LRFN5: variants seen among roughly 807,000 people sequenced by gnomAD.
LRFN5 encodes leucine-rich repeat and fibronectin type-III domain-containing protein 5.
Under a neutral mutation model 45.6 loss-of-function variants are expected in LRFN5, and 24 were observed. The observed-to-expected ratio is 0.53, with a 90% CI of 0.38 to 0.74. LRFN5 has a LOEUF of 0.74. Among genes scored for constraint, LRFN5 ranks in the 30% least tolerant of loss-of-function variants. LRFN5 has a pLI of 0.00. For missense variants in LRFN5, 776 were observed against 861.5 expected (o/e 0.90, Z 1.24); for synonymous variants, 340 against 313.8 (o/e 1.08, Z -0.88).
intron 2 of LRFN5, among the ~76,000 whole-genome samples, chr14:41,861,347 T>C (rs902286755): frequency 3.9e-5 from 6 of 152,216 alleles, no homozygotes; most frequent in African/African-American, 1.2e-4. Flanking sequence ...ATTCTATTAC[T>C]ATAAAGAAGA....
chr14:41,655,097 G>T (rs923735041), intron 1 of LRFN5, among the ~76,000 whole-genome samples: 1 of 151,990 alleles, frequency 6.6e-6, no homozygotes, highest in Non-Finnish European at 1.5e-5. Flanking sequence ...TTTATGTTGA[G>T]CATCTGGTTT....
chr14:41,673,148 T>C (rs1018623586), intron 1 of LRFN5, among the ~76,000 whole-genome samples: 5 of 152,146 alleles, frequency 3.3e-5, no homozygotes, highest in Non-Finnish European at 7.3e-5. Flanking sequence ...ATCCGATTTC[T>C]CAATCTTTTC....
chr14:41,826,377 T>C (rs1234491563), intron 2 of LRFN5, among the ~76,000 whole-genome samples: 1 of 152,218 alleles, frequency 6.6e-6, no homozygotes, highest in Non-Finnish European at 1.5e-5. Flanking sequence ...TATGCCTTTC[T>C]TATATTTCAT....
chr14:41,797,924 T>C (rs1228764908), intron 2 of LRFN5, among the ~76,000 whole-genome samples: 1 of 152,008 alleles, frequency 6.6e-6, no homozygotes, highest in Non-Finnish European at 1.5e-5. Context: ...TTTGTTGGTT[T>C]TATTTTTTAA....
chr14:41,609,124 G>GAAT (rs1443549706), intron 1 of LRFN5, among the ~76,000 whole-genome samples: 1 of 152,166 alleles, frequency 6.6e-6, no homozygotes, highest in Non-Finnish European at 1.5e-5. Flanking sequence ...GCATGAAAGG[G>GAAT]AATACATATT....
At chr14:41,795,865 T>A (rs1887108199) in intron 2 of LRFN5, among the ~76,000 whole-genome samples, 1 of 151,948 alleles carries the variant, frequency 6.6e-6, no homozygotes, top group Non-Finnish European at 1.5e-5. Context: ...ACATGGCACA[T>A]GTATATATAT....
chr14:41,894,747 T>C (rs1305485454), intron 4 of LRFN5: 1 of 983,918 alleles, frequency 1.0e-6, no homozygotes, highest in Admixed American at 6.2e-5. Flanking sequence ...TAGGTAAATA[T>C]GGCCATGGAG....
chr14:41,887,140 G>A lies in LRFN5; in HGVS notation c.515G>A (p.Ser172Asn), dbSNP rs145569146. 64 of 1,614,044 alleles carry A rather than the reference G, an allele frequency of 4.0e-5. No individual in the cohort carries two copies. The Admixed American group carries it at 7.3e-4, about 18-fold the overall frequency. ...TGGGATGCTGTTGAGAAGATGGTTA[G>A]CTTGCATACCCTTAGTTTGGATCAC... ...IPWDAVEKMV[S>N]LHTLSLDHNM... is the part of the protein sequence containing the mutation. Residue 172 changes from serine to asparagine, a missense_variant, in exon 3 of 6, where the codon AGC (serine) becomes AAC (asparagine). Around this residue, in one of 2 missense-constraint regions of LRFN5, gnomAD observed 311 missense variants for 405.1 expected, o/e 0.77. Transcript: ENST00000298119. This position sits in a 1 kb window ranked among gnomAD's most constrained non-coding sequence, Gnocchi z 4.8.
At chr14:41,817,927 TAGCA>T (rs144941334) in intron 2 of LRFN5, among the ~76,000 whole-genome samples, 1,711 of 152,278 alleles carry the variant, frequency 0.011, 32 homozygotes, top group African/African-American at 0.038. Flanking sequence ...GTTTCTGCTC[TAGCA>T]AGCTGTGATT....
Position 41,887,926 on chromosome 14 carries a change from A to T in LRFN5, c.1301A>T (p.Lys434Ile), listed in dbSNP as rs1462323114. Residue 434 changes from lysine to isoleucine, a missense_variant, in exon 3 of 6, where the codon AAA (lysine) becomes ATA (isoleucine). Lys to Ile is a moderately radical substitution (Grantham distance 102). Coordinates refer to ENST00000298119, the MANE Select transcript of LRFN5 (RefSeq NM_152447.5). This position sits in a 1 kb window ranked among gnomAD's most constrained non-coding sequence, Gnocchi z 4.8. ...AEATSSTALLKFNFQRNIPGI... is the reference protein window; with the variant it reads ...AEATSSTALLIFNFQRNIPGI... ...GCTACATCATCAACGGCACTACTTA[A>T]ATTTAATTTTCAAAGAAATATCCCT... 7 of 1,613,898 alleles carry T rather than the reference A, an allele frequency of 4.3e-6. No individual in the cohort carries two copies. In the East Asian group the frequency reaches 1.6e-4, roughly 36 times the overall value.
chr14:41,794,486 G>A (rs1247884451), intron 2 of LRFN5, among the ~76,000 whole-genome samples: 1 of 151,520 alleles, frequency 6.6e-6, no homozygotes, highest in Non-Finnish European at 1.5e-5. Flanking sequence ...GTTTTATCTT[G>A]GCAATTACTA....
At chr14:41,782,193 C>T (rs1886552952) in intron 2 of LRFN5, among the ~76,000 whole-genome samples, 1 of 151,456 alleles carries the variant, frequency 6.6e-6, no homozygotes, top group African/African-American at 2.4e-5. Context: ...TTTTAAAGAC[C>T]TTGGATATTC....
intron 1 of LRFN5, among the ~76,000 whole-genome samples, chr14:41,621,521 C>A (rs1888136051): frequency 6.6e-6 from 1 of 152,036 alleles, no homozygotes; most frequent in Non-Finnish European, 1.5e-5. Flanking sequence ...TACAGGTGAA[C>A]AATGTGTAAA....
At chr14:41,895,984 T>C (rs1163603174) in intron 4 of LRFN5, among the ~76,000 whole-genome samples, 3 of 152,124 alleles carry the variant, frequency 2.0e-5, no homozygotes, top group Admixed American at 6.5e-5. Context: ...TATTTTCTCT[T>C]CAATTTAAAC....
chr14:41,708,743 G>C (rs992428443), intron 1 of LRFN5, among the ~76,000 whole-genome samples: 1 of 147,394 alleles, frequency 6.8e-6, no homozygotes, highest in South Asian at 2.1e-4. Flanking sequence ...TTTTGTTATT[G>C]ATTGTATTTC....
At chr14:41,655,503 C>G (rs576717301) in intron 1 of LRFN5, among the ~76,000 whole-genome samples, 7 of 152,084 alleles carry the variant, frequency 4.6e-5, no homozygotes, top group African/African-American at 1.4e-4. Flanking sequence ...ATGAAGAGAT[C>G]ATGGAGGGCC....
intron 1 of LRFN5, among the ~76,000 whole-genome samples, chr14:41,681,938 C>T (rs909616909): frequency 4.0e-5 from 6 of 151,756 alleles, no homozygotes; most frequent in African/African-American, 1.5e-4. Flanking sequence ...CCTGCCTCAG[C>T]CTCCTGAGTA....
At chr14:41,662,969 A>G (rs937313161) in intron 1 of LRFN5, among the ~76,000 whole-genome samples, 2 of 152,074 alleles carry the variant, frequency 1.3e-5, no homozygotes, top group Non-Finnish European at 2.9e-5. Context: ...ATGAAATTGT[A>G]CCTTGATAAG....
chr14:41,860,572 A>T (rs939601855), intron 2 of LRFN5, among the ~76,000 whole-genome samples: 5 of 152,226 alleles, frequency 3.3e-5, no homozygotes, highest in African/African-American at 4.8e-5. Context: ...GTCTCATAGC[A>T]TACTTCTATG....
Sources: allele counts gnomAD v4.1 joint callset (sites outside exome capture counted in the v4.1 genomes callset), GRCh38; gene constraint gnomAD v4.1.1; regional missense constraint gnomAD v4.1.1; non-coding constraint Gnocchi (gnomAD v3.1); transcripts MANE v1.5; gene names NCBI Gene and HGNC (gene_info 2026-07-23, HGNC 2026-07-21).